OSMR: variants seen among roughly 807,000 people sequenced by gnomAD.
OSMR encodes the protein oncostatin-M-specific receptor subunit beta.
OSMR carries 81 observed loss-of-function variants against 99.9 expected under a neutral mutation model. The observed-to-expected ratio is 0.81, with a 90% confidence interval of 0.68 to 0.97. The LOEUF is 0.97. OSMR is among the 50% of genes least tolerant of loss of function. OSMR has a pLI of 0.00. For missense variants in OSMR, 1,099 were observed against 1,153.4 expected (o/e 0.95, Z 0.68); for synonymous variants, 406 against 410.4 (o/e 0.99, Z 0.13).
chr5:38,917,670 T>A (rs1441526509), intron 10 of OSMR, 48 bp downstream of exon 10: 1 of 1,484,108 alleles, frequency 6.7e-7, no homozygotes, highest in Admixed American at 1.7e-5. Flanking sequence ...AAAGTCACAT[T>A]TGTGGAAACA....
chr5:38,921,467 T>A, intron 11 of OSMR, 148 bp from the exon 12 acceptor site: 1 of 1,492,432 alleles, frequency 6.7e-7, no homozygotes. Context: ...CATGAAAACA[T>A]CCCCCACCCA....
At chr5:38,926,113 A>C (rs1237697798) in intron 15 of OSMR, among the ~76,000 whole-genome samples, 1 of 152,222 alleles carries the variant, frequency 6.6e-6, no homozygotes, top group Non-Finnish European at 1.5e-5. Context: ...ATACTGATGG[A>C]AGAAAGAGGA....
chr5:38,876,415 A>G, intron 3 of OSMR, 42 bp downstream of exon 3: 2 of 1,513,778 alleles, frequency 1.3e-6, no homozygotes, highest in Non-Finnish European at 1.8e-6. Context: ...AATCATCTTT[A>G]AAAAAAGACA....
intron 10 of OSMR, among the ~76,000 whole-genome samples, chr5:38,918,359 C>A (rs1005716920): frequency 6.6e-6 from 1 of 152,052 alleles, no homozygotes. Flanking sequence ...AATTTCTCTG[C>A]AAACTGAGGA....
intron 4 of OSMR, among the ~76,000 whole-genome samples, chr5:38,882,214 C>T (rs1743344851): frequency 6.6e-6 from 1 of 152,144 alleles, no homozygotes. Context: ...AACTCTGCTA[C>T]TGTAGTGTGA....
intron 1 of OSMR, among the ~76,000 whole-genome samples, chr5:38,855,195 A>G (rs1472412725): frequency 6.6e-6 from 1 of 152,184 alleles, no homozygotes; most frequent in Non-Finnish European, 1.5e-5. Context: ...AGGAGGGGCC[A>G]CAGTAGAGGG....
At chr5:38,938,415 C>A (rs1422303378), downstream of OSMR, 1 of 230,912 alleles carries the variant, frequency 4.3e-6, no homozygotes, top group African/African-American at 2.2e-5. Context: ...CCCCTCTCTG[C>A]CCCAAGACTT....
At chr5:38,886,218 G>A (rs368113241) in intron 7 of OSMR, 28 bp downstream of exon 7, 26 of 1,613,852 alleles carry the variant, frequency 1.6e-5, no homozygotes, top group South Asian at 1.1e-4. Context: ...ACAGCCCACC[G>A]TGGCCACTAA....
chr5:38,873,331 C>T (rs980940648), intron 2 of OSMR, among the ~76,000 whole-genome samples: 5 of 152,200 alleles, frequency 3.3e-5, no homozygotes, highest in African/African-American at 1.2e-4. Flanking sequence ...TTCATCTGGT[C>T]ATCCACTGAT....
intron 4 of OSMR, 48 bp downstream of exon 4, chr5:38,881,812 T>C (rs1378843099): frequency 6.7e-7 from 1 of 1,487,858 alleles, no homozygotes. Flanking sequence ...ATATATTTTT[T>C]AATGAGGAGC....
chr5:38,857,004 A>G (rs1196792047), intron 1 of OSMR, among the ~76,000 whole-genome samples: 1 of 152,184 alleles, frequency 6.6e-6, no homozygotes, highest in African/African-American at 2.4e-5. Flanking sequence ...ATAGAAATAC[A>G]TCTTTTGTAA....
intron 5 of OSMR, 46 bp downstream of exon 5, chr5:38,884,157 G>A (rs1316256473): frequency 1.5e-6 from 2 of 1,336,942 alleles, no homozygotes; most frequent in Admixed American, 3.4e-5. Flanking sequence ...ATTTCCTGAG[G>A]AATAGATTAA....
intron 8 of OSMR, 133 bp from the exon 9 acceptor site, chr5:38,904,220 C>A (rs1745075119): frequency 3.9e-6 from 6 of 1,530,098 alleles, no homozygotes; most frequent in African/African-American, 1.4e-5. Context: ...TTTTTCCCCC[C>A]AAAGAAGAAC....
chr5:38,880,292 C>A (rs1009508065), intron 3 of OSMR, among the ~76,000 whole-genome samples: 2 of 152,122 alleles, frequency 1.3e-5, no homozygotes, highest in African/African-American at 4.8e-5. Flanking sequence ...TATTATTCGC[C>A]CTTAGAAACA....
intron 10 of OSMR, among the ~76,000 whole-genome samples, chr5:38,918,392 T>C (rs141613219): frequency 2.6e-4 from 39 of 152,092 alleles, no homozygotes; most frequent in African/African-American, 8.7e-4. Context: ...GGGCTCTGGG[T>C]ATGGAGAGCA....
intron 2 of OSMR, among the ~76,000 whole-genome samples, chr5:38,874,861 G>C (rs888523319): frequency 6.6e-6 from 1 of 152,168 alleles, no homozygotes; most frequent in African/African-American, 2.4e-5. Context: ...TTTATAGTAG[G>C]CATTGCATGA....
At chr5:38,861,706 G>A (rs1010693591) in intron 1 of OSMR, among the ~76,000 whole-genome samples, 18 of 150,566 alleles carry the variant, frequency 1.2e-4, no homozygotes, top group African/African-American at 2.7e-4. Context: ...CGGGAGAGGC[G>A]CCCCTCACCT....
At chr5:38,870,571 A>G (rs1742310464) in intron 2 of OSMR, among the ~76,000 whole-genome samples, 1 of 152,188 alleles carries the variant, frequency 6.6e-6, no homozygotes, top group Non-Finnish European at 1.5e-5. Flanking sequence ...AGTTGCTTGC[A>G]GCTTGCAGAG....
chr5:38,869,077 C>A lies in OSMR; in HGVS notation c.33C>A (p.Phe11Leu). The change falls in exon 2 of 18, where the codon TTC (phenylalanine) becomes TTA (leucine). Residue 11 changes from phenylalanine (F) to leucine (L), a missense_variant. By Grantham distance (22) the Phe-to-Leu change is conservative (BLOSUM62 0). Coordinates refer to ENST00000274276, the MANE Select transcript of OSMR (RefSeq NM_003999.3). ...TATTTGCAGTCTTTCAGACAACATT[C>A]TTCTTAACATTGCTGTCCTTGAGGA... is the stretch of plus-strand genomic sequence containing the variant. MALFAVFQTTFFLTLLSLRTY... is the reference protein window; with the variant it reads MALFAVFQTTLFLTLLSLRTY... 1 of 1,613,700 alleles carries A rather than the reference C, an allele frequency of 6.2e-7. No homozygotes were observed. The highest frequency in any genetic ancestry group is 1.1e-5 in the South Asian group (1 of 91,078).
Sources: allele counts gnomAD v4.1 joint callset (sites outside exome capture counted in the v4.1 genomes callset), GRCh38; gene constraint gnomAD v4.1.1; transcripts MANE v1.5; gene names NCBI Gene and HGNC (gene_info 2026-07-23, HGNC 2026-07-21).